RGS6: variants seen among roughly 807,000 people sequenced by gnomAD.
RGS6 encodes regulator of G protein signaling 6.
RGS6 carries 30 observed loss-of-function variants against 78.5 expected under a neutral mutation model. That is an observed-to-expected ratio of 0.38 (90% CI 0.29 to 0.52). RGS6 has a LOEUF of 0.52. RGS6 is among the 20% of genes least tolerant of loss of function. RGS6 has a pLI of 0.85. For missense variants in RGS6, 495 were observed against 609.7 expected, an observed-to-expected ratio of 0.81 and a Z score of 1.98; for synonymous variants, 206 against 206.0, an observed-to-expected ratio of 1.00 and a Z score of 0.00.
chr14:72,620,029 T>C, the RGS6 span: 3 of 1,490,698 alleles, frequency 2.0e-6, no homozygotes, highest in Non-Finnish European at 2.7e-6. Context: ...GATTCCATTA[T>C]TCGGGGCCAA....
intron 2 of RGS6, among the ~76,000 whole-genome samples, chr14:72,017,069 A>C (rs946087930): frequency 2.6e-5 from 4 of 151,684 alleles, no homozygotes; most frequent in African/African-American, 9.7e-5. Context: ...TTGAGATAAG[A>C]TCTCCCAGGC....
intron 2 of RGS6, among the ~76,000 whole-genome samples, chr14:72,052,925 T>TTTCTTTCTTTC (rs2093340474): frequency 8.3e-6 from 1 of 120,330 alleles, no homozygotes. Context: ...TTCATTGTAT[T>TTTCTTTCTTTC]TTTCTTTCTT....
At chr14:72,478,979 T>C (rs1459428525) in intron 12 of RGS6, among the ~76,000 whole-genome samples, 1 of 152,218 alleles carries the variant, frequency 6.6e-6, no homozygotes, top group African/African-American at 2.4e-5. Flanking sequence ...GGGGAATCTA[T>C]ATGGAATAAA....
intron 2 of RGS6, among the ~76,000 whole-genome samples, chr14:72,127,835 C>T (rs902250234): frequency 2.6e-5 from 4 of 152,164 alleles, no homozygotes; most frequent in African/African-American, 9.7e-5. Flanking sequence ...CCCCTCATTC[C>T]CATCCCTGAC....
intron 7 of RGS6, among the ~76,000 whole-genome samples, chr14:72,468,785 T>G (rs759111763): frequency 6.6e-6 from 1 of 152,182 alleles, no homozygotes; most frequent in Non-Finnish European, 1.5e-5. Context: ...TTGATTGACA[T>G]TTAGGCATTA....
the RGS6 span, among the ~76,000 whole-genome samples, chr14:71,901,979 G>A: frequency 2.0e-5 from 3 of 152,120 alleles, no homozygotes; most frequent in Non-Finnish European, 4.4e-5. Context: ...GGAATATTCT[G>A]TCTTCTAGCC....
At chr14:71,875,217 T>C in the RGS6 span, among the ~76,000 whole-genome samples, 1 of 152,226 alleles carries the variant, frequency 6.6e-6, no homozygotes, top group Non-Finnish European at 1.5e-5. Flanking sequence ...TCAGAAGGAA[T>C]GGTACCAGCT....
intron 3 of RGS6, among the ~76,000 whole-genome samples, chr14:72,389,495 C>A (rs1316198098): frequency 6.6e-6 from 1 of 152,090 alleles, no homozygotes; most frequent in Admixed American, 6.5e-5. Flanking sequence ...GTTAATTTAT[C>A]AAAATACATT....
the RGS6 span, among the ~76,000 whole-genome samples, chr14:71,893,222 C>T: frequency 3.9e-5 from 6 of 152,222 alleles, no homozygotes; most frequent in African/African-American, 1.2e-4. Flanking sequence ...GATTCCCCAT[C>T]TCTGACTTGC....
chr14:71,967,171 G>A (rs2093571236), intron 2 of RGS6, among the ~76,000 whole-genome samples: 2 of 138,496 alleles, frequency 1.4e-5, no homozygotes, highest in Admixed American at 1.5e-4. Flanking sequence ...ACTTTCGTGT[G>A]ACAAACTTGT....
intron 10 of RGS6, among the ~76,000 whole-genome samples, chr14:72,475,717 G>A (rs540830233): frequency 1.1e-4 from 17 of 151,934 alleles, no homozygotes; most frequent in African/African-American, 3.9e-4. Context: ...CAACAAGAGC[G>A]AGACTCCATC....
chr14:72,146,878 A>G (rs567156109), intron 2 of RGS6, among the ~76,000 whole-genome samples: 3 of 152,344 alleles, frequency 2.0e-5, no homozygotes, highest in East Asian at 3.9e-4. Flanking sequence ...CAACTTTGCT[A>G]CTTAGGCATT....
At chr14:71,961,012 A>G (rs544664304) in intron 1 of RGS6, among the ~76,000 whole-genome samples, 3 of 152,336 alleles carry the variant, frequency 2.0e-5, no homozygotes, top group South Asian at 2.1e-4. Flanking sequence ...CCTAGCATGG[A>G]ACCTTACAAA....
chr14:72,277,320 G>C (rs111979236), intron 2 of RGS6, among the ~76,000 whole-genome samples: 1 of 152,110 alleles, frequency 6.6e-6, no homozygotes, highest in Non-Finnish European at 1.5e-5. Flanking sequence ...TCTACTAGCC[G>C]GGTGCGGTGG....
At chr14:72,298,332 A>ATAT (rs1321511845) in intron 2 of RGS6, among the ~76,000 whole-genome samples, 4 of 150,562 alleles carry the variant, frequency 2.7e-5, no homozygotes. Flanking sequence ...TGGCCGTGAT[A>ATAT]TATTATTATT....
chr14:72,157,890 C>A (rs560904885), intron 2 of RGS6, among the ~76,000 whole-genome samples: 1 of 151,836 alleles, frequency 6.6e-6, no homozygotes, highest in African/African-American at 2.4e-5. Flanking sequence ...ATGTGCAGAA[C>A]GTGCAGGTTT....
chr14:72,142,323 AAGAG>A (rs1282047037), intron 2 of RGS6, among the ~76,000 whole-genome samples: 3 of 152,008 alleles, frequency 2.0e-5, no homozygotes, highest in Admixed American at 6.6e-5. Flanking sequence ...AAAAAAAAAA[AAGAG>A]AGGAGAGAGA....
At chr14:72,483,730 G>A (rs72726152) in intron 12 of RGS6, among the ~76,000 whole-genome samples, 16,912 of 151,828 alleles carry the variant, frequency 0.11, 1,048 homozygotes, top group South Asian at 0.17. Context: ...AAAAAAGACC[G>A]GAGGTATCAT....
At chr14:72,522,906 G>T (rs1232136707) in intron 15 of RGS6, among the ~76,000 whole-genome samples, 2 of 152,194 alleles carry the variant, frequency 1.3e-5, no homozygotes, top group Non-Finnish European at 2.9e-5. Context: ...TTCAGTTTTT[G>T]GGGGAGAGTA....
Sources: allele counts gnomAD v4.1 joint callset (sites outside exome capture counted in the v4.1 genomes callset), GRCh38; gene constraint gnomAD v4.1.1; transcripts MANE v1.5; gene names NCBI Gene and HGNC (gene_info 2026-07-23, HGNC 2026-07-21).